The following TMEM164 variants were observed in gnomAD, a reference collection of about 807,000 sequenced individuals.
TMEM164 encodes transmembrane protein 164, also known as RP13-360B22.2.
A neutral mutation model predicts 18.8 loss-of-function variants in TMEM164; 4 were observed. The ratio of observed to expected loss-of-function variants is 0.21; its 90% CI spans 0.10 to 0.49. TMEM164 has a LOEUF of 0.49. TMEM164 is among the 20% of genes least tolerant of loss of function. TMEM164 has a pLI of 0.98. For missense variants in TMEM164, 108 were observed against 239.9 expected (o/e 0.45, Z 3.63); for synonymous variants, 86 against 101.7 (o/e 0.85, Z 0.93).
intron 4 of TMEM164, among the ~76,000 whole-genome samples, chrX:110,142,142 G>A (rs943958162): frequency 8.9e-6 from 1 of 112,360 alleles, no homozygotes; most frequent in Non-Finnish European, 1.9e-5. Context: ...GGCCTATGTT[G>A]CAGGGCAAGT....
intron 3 of TMEM164, among the ~76,000 whole-genome samples, chrX:110,081,368 T>C (rs1026036945): frequency 1.8e-5 from 2 of 111,640 alleles, no homozygotes; most frequent in African/African-American, 6.5e-5. Flanking sequence ...AGGTTTACTG[T>C]GTGCCTAGGC....
intron 5 of TMEM164, among the ~76,000 whole-genome samples, chrX:110,170,000 C>T (rs189581506): frequency 4.3e-4 from 48 of 111,988 alleles, no homozygotes; most frequent in Admixed American, 2.4e-3. Flanking sequence ...CTCAGCATGG[C>T]TTCTAGTGTC....
intron 2 of TMEM164, among the ~76,000 whole-genome samples, chrX:110,022,325 T>C (rs950690076): frequency 4.5e-5 from 5 of 111,238 alleles, no homozygotes; most frequent in Non-Finnish European, 9.4e-5. Context: ...GTTAGTTGTT[T>C]ACTTGTCAAG....
chrX:110,115,620 A>G lies in TMEM164; in HGVS notation c.507+6474A>G, dbSNP rs1174080666. Among the ~76,000 whole-genome samples, 3 of 111,973 alleles carry G rather than the reference A, an allele frequency of 2.7e-5. No individual in the cohort carries two copies. The Admixed American group carries it at 2.9e-4, about 11-fold the overall frequency. On this transcript the variant is annotated intron_variant, in intron 4 of 6. Transcript: ENST00000372068. ...GAATCCAGCCTAGATCACACCAGTC[A>G]AACCACAGATTTTTATTGAGCACTT...
intron 3 of TMEM164, among the ~76,000 whole-genome samples, chrX:110,105,756 A>AAT (rs2066190189): frequency 1.3e-5 from 1 of 78,132 alleles, no homozygotes; most frequent in Non-Finnish European, 2.4e-5. Context: ...AGAATGAGAG[A>AAT]GAGAGAGAGA....
chrX:110,084,379 T>TATATATATAA (rs1228632082), intron 3 of TMEM164, among the ~76,000 whole-genome samples: 10 of 35,645 alleles, frequency 2.8e-4, no homozygotes, highest in African/African-American at 1.4e-3. Context: ...ATATATATAG[T>TATATATATAA]GTATATATAT....
At chrX:110,006,728 C>A (rs1269378929) in intron 2 of TMEM164, among the ~76,000 whole-genome samples, 1 of 112,413 alleles carries the variant, frequency 8.9e-6, no homozygotes, top group African/African-American at 3.2e-5. Context: ...AAGATACTTT[C>A]ATATACATTG....
At chrX:110,135,067 AT>A (rs1887334553) in intron 4 of TMEM164, among the ~76,000 whole-genome samples, 1 of 12,181 alleles carries the variant, frequency 8.2e-5, no homozygotes, top group African/African-American at 1.7e-3. Context: ...TATAAAAAAT[AT>A]ATATATACAA....
chrX:110,025,735 A>G (rs963030622), intron 2 of TMEM164, among the ~76,000 whole-genome samples: 1 of 112,143 alleles, frequency 8.9e-6, no homozygotes, highest in African/African-American at 3.2e-5. Flanking sequence ...TATTGTTTGC[A>G]TTCCCATTCT....
At chrX:110,153,803 A>G (rs775128891) in intron 5 of TMEM164, among the ~76,000 whole-genome samples, 4 of 111,807 alleles carry the variant, frequency 3.6e-5, no homozygotes, top group Non-Finnish European at 7.5e-5. Context: ...CTCATCAGCT[A>G]TCAGTAGTGT....
intron 5 of TMEM164, among the ~76,000 whole-genome samples, chrX:110,165,248 C>G (rs2067144823): frequency 8.9e-6 from 1 of 112,844 alleles, no homozygotes; most frequent in South Asian, 3.6e-4. Flanking sequence ...TGGTGGCCAC[C>G]AGGCACATGT....
At chrX:110,138,012 A>T (rs1225473861) in intron 4 of TMEM164, among the ~76,000 whole-genome samples, 1 of 111,864 alleles carries the variant, frequency 8.9e-6, no homozygotes, top group Non-Finnish European at 1.9e-5. Flanking sequence ...TAAACATACT[A>T]ATGTGTGACT....
At chrX:110,130,431 C>G (rs1191156530) in intron 4 of TMEM164, among the ~76,000 whole-genome samples, 1 of 111,748 alleles carries the variant, frequency 8.9e-6, no homozygotes, top group Non-Finnish European at 1.9e-5. Context: ...TAGGAATTAG[C>G]TACTACATAC....
intron 3 of TMEM164, among the ~76,000 whole-genome samples, chrX:110,088,235 G>T (rs1017529446): frequency 8.9e-6 from 1 of 111,967 alleles, no homozygotes; most frequent in Admixed American, 9.5e-5. Context: ...GTCTTGGAAT[G>T]ATTTTAGCAT....
At chrX:110,067,527 G>C (rs2065520965) in intron 3 of TMEM164, 131 bp downstream of exon 3, 5 of 591,487 alleles carry the variant, frequency 8.5e-6, no homozygotes, top group Non-Finnish European at 1.4e-5. Flanking sequence ...CCAAAGGGAT[G>C]AAGGTCTGTG....
At chrX:110,104,707 C>T (rs1602631059) in intron 3 of TMEM164, among the ~76,000 whole-genome samples, 1 of 111,922 alleles carries the variant, frequency 8.9e-6, no homozygotes, top group South Asian at 3.7e-4. Context: ...AATATTTTCT[C>T]TTCTCTGTAA....
chrX:110,011,114 G>A (rs1054209990), intron 2 of TMEM164, among the ~76,000 whole-genome samples: 7 of 111,487 alleles, frequency 6.3e-5, no homozygotes, highest in African/African-American at 2.3e-4. Flanking sequence ...CCAAACATTG[G>A]TGCCAGGTAT....
chrX:110,124,200 C>A (rs936095158), intron 4 of TMEM164, among the ~76,000 whole-genome samples: 1 of 106,372 alleles, frequency 9.4e-6, no homozygotes, highest in African/African-American at 3.5e-5. Flanking sequence ...GGCAGGCAGG[C>A]AGGCAGGCAG....
At chrX:110,036,414 T>C (rs759674260) in intron 2 of TMEM164, among the ~76,000 whole-genome samples, 1 of 112,350 alleles carries the variant, frequency 8.9e-6, no homozygotes, top group South Asian at 3.7e-4. Context: ...TTCTGCCCCT[T>C]TTTTTGGTTA....
Sources: gnomAD v4.1 joint callset for allele counts (sites outside exome capture counted in the v4.1 genomes callset) on GRCh38, gnomAD v4.1.1 for gene constraint, MANE v1.5 for transcripts, NCBI Gene and HGNC (gene_info 2026-07-23, HGNC 2026-07-21) for gene names.